Variants in HELZ2 observed in about 807,000 individuals in gnomAD.
HELZ2 encodes 3'-5' exoribonuclease HELZ2.
In HELZ2, 143 loss-of-function variants were observed where a neutral mutation model predicts 208.8. The observed-to-expected ratio is 0.68, with a 90% CI of 0.60 to 0.79. HELZ2 has a LOEUF of 0.79. Among genes scored for constraint, HELZ2 ranks in the 30% least tolerant of loss-of-function variants. The probability of loss-of-function intolerance (pLI) is 0.00; values close to 1 mark genes in which losing one functional copy is unlikely to be tolerated. For missense variants in HELZ2, 3,690 were observed against 3,794.5 expected (o/e 0.97, Z 0.72); for synonymous variants, 1,705 against 1,693.7 (o/e 1.01, Z -0.16).
chr20:63,567,011 AGAACAT>A (rs762390609), exon 6 of HELZ2: 10 of 1,611,184 alleles, frequency 6.2e-6, no homozygotes, highest in Non-Finnish European at 7.6e-6. Context: ...GCCACGTGGC[AGAACAT>A]GAGCGGGTAG....
At position 63,567,538 on chromosome 20, in the gene HELZ2, T is replaced by C. The variant is rs1039389312; in HGVS notation, c.1820A>G (p.Asp607Gly). 2 of 1,570,494 alleles carry C rather than the reference T, an allele frequency of 1.3e-6. No homozygotes were observed. Among genetic ancestry groups the C allele is most frequent in the Non-Finnish European group, 8.6e-7 (1 of 1,158,874 alleles). ...TGGGTCCGTCTGGCTCAGCGGCCGG[T>C]CCGTGTACATCACACGGAGAGGAGT... The change falls in exon 6 of 19, where the codon GAC becomes GGC. Residue 607 changes from aspartate (D) to glycine (G), a missense_variant. By Grantham distance (94) the Asp-to-Gly change is moderately conservative (BLOSUM62 -1). This residue lies in a region of HELZ2 where 1,119 missense variants were observed against 1,193.4 expected (regional missense o/e 0.94). Transcript: ENST00000467148.
At chr20:63,572,435 G>T (rs375406867) in exon 1 of HELZ2, 1 of 1,446,130 alleles carries the variant, frequency 6.9e-7, no homozygotes. Flanking sequence ...ACGCCAGCAC[G>T]GCTGCCCACG....
chr20:63,562,215 C>A lies in HELZ2; in HGVS notation c.6398-12G>T. On this transcript the variant is annotated splice_polypyrimidine_tract_variant and intron_variant, in intron 9 of 18. Coordinates refer to ENST00000467148, the Ensembl canonical transcript of HELZ2. ...CCTGCTGGGGATCACTGAGAGGGGGCAGCCTCCCTGAGCACTCATGCAGGG... is the reference window on the plus strand; with the variant it reads ...CCTGCTGGGGATCACTGAGAGGGGGAAGCCTCCCTGAGCACTCATGCAGGG... 1 of 1,611,124 alleles carries A rather than the reference C, an allele frequency of 6.2e-7. No individual in the cohort carries two copies. The highest frequency in any genetic ancestry group is 8.5e-7 in the Non-Finnish European group (1 of 1,179,334).
At chr20:63,572,618 C>A, upstream of HELZ2, 1 of 516,696 alleles carries the variant, frequency 1.9e-6, no homozygotes, top group Non-Finnish European at 3.4e-6. Flanking sequence ...TGGGGGACAG[C>A]GCCTGAAGCA....
chr20:63,562,470 G>T, intron 8 of HELZ2, 50 bp downstream of exon 9: 2 of 1,524,166 alleles, frequency 1.3e-6, no homozygotes, highest in South Asian at 1.2e-5. Flanking sequence ...TGCAAGTGAG[G>T]GGCCCGGGGC....
exon 8 of HELZ2, chr20:63,564,436 C>G: frequency 1.3e-6 from 2 of 1,555,748 alleles, no homozygotes; most frequent in East Asian, 2.4e-5. Context: ...TGATCACCTC[C>G]TCCGCCTCCT....
exon 10 of HELZ2, chr20:63,562,126 C>T (rs1317585812): frequency 7.4e-6 from 12 of 1,612,508 alleles, no homozygotes; most frequent in Non-Finnish European, 8.5e-6. Flanking sequence ...CTGACCGCCA[C>T]GTTCTGGCTG....
At chr20:63,561,223 C>T (rs1439988245) in exon 14 of HELZ2, 3 of 1,612,900 alleles carry the variant, frequency 1.9e-6, no homozygotes, top group Non-Finnish European at 2.5e-6. Flanking sequence ...AGAGGATGAC[C>T]TCATGCCGGT....
chr20:63,562,166 G>A, exon 10 of HELZ2: 2 of 1,611,996 alleles, frequency 1.2e-6, no homozygotes, highest in Non-Finnish European at 1.7e-6. Context: ...CTCCGGGGAT[G>A]TTGTAGGTCT....
exon 6 of HELZ2, chr20:63,567,565 G>A: frequency 1.3e-6 from 2 of 1,583,916 alleles, no homozygotes; most frequent in Non-Finnish European, 1.7e-6. Flanking sequence ...GAGAGGAGTG[G>A]CCTCGGGGTG....
chr20:63,565,757 G>A (rs749815162), exon 8 of HELZ2: 19 of 1,601,720 alleles, frequency 1.2e-5, no homozygotes, highest in East Asian at 2.2e-5. Context: ...TGGTGCTGCC[G>A]CAGCCTCCGT....
At chr20:63,568,304 G>T in intron 5 of HELZ2, 54 bp downstream of exon 6, 1 of 1,359,838 alleles carries the variant, frequency 7.4e-7, no homozygotes, top group Non-Finnish European at 1.0e-6. Flanking sequence ...CCTGCCCGGT[G>T]TAGACTTGGG....
In HELZ2 at chr20:63,570,390, G is replaced by A. The variant is rs373581749; in HGVS notation, c.570+114C>T. ...ACCTGCTGCAGGTCACGCAGGTGCT[G>A]AGCGGCAGTGCCTCGGTATTAGCTC... On this transcript the variant is annotated intron_variant, in intron 3 of 18. Coordinates refer to ENST00000467148, the Ensembl canonical transcript of HELZ2. 18 of 835,574 alleles carry A rather than the reference G, an allele frequency of 2.2e-5. 1 individual carries two copies. In the South Asian group the frequency reaches 2.6e-4, roughly 12 times the overall value. The allele number at this position is 835,574 out of a possible 1,614,324, so 51.8% of individuals were successfully genotyped here. A position where few individuals can be genotyped will look rare whatever the true frequency, so the allele number is the denominator to read the frequency against.
upstream of HELZ2, among the ~76,000 whole-genome samples, chr20:63,573,889 T>G (rs1266893091): frequency 6.6e-6 from 1 of 152,046 alleles, no homozygotes; most frequent in Non-Finnish European, 1.5e-5. This position sits in a 1 kb window ranked among gnomAD's most constrained non-coding sequence, Gnocchi z 4.9. Flanking sequence ...TGAGAAAACA[T>G]CCGAGTCTGC....
At chr20:63,569,602 G>A (rs1265124384) in exon 4 of HELZ2, 3 of 1,561,850 alleles carry the variant, frequency 1.9e-6, no homozygotes, top group Non-Finnish European at 2.6e-6. Flanking sequence ...GGGAGGCCGG[G>A]AGCCACCAGA....
chr20:63,560,579 A>G, exon 16 of HELZ2: 1 of 1,612,638 alleles, frequency 6.2e-7, no homozygotes, highest in Non-Finnish European at 8.5e-7. Context: ...GCCAAAGATG[A>G]CAGGGCAGCT....
intron 1 of HELZ2, 94 bp downstream of exon 2, chr20:63,572,014 G>A: frequency 7.2e-7 from 1 of 1,395,160 alleles, no homozygotes; most frequent in Non-Finnish European, 9.6e-7. Context: ...TGCCTGTGGT[G>A]GGCTCCTGCC....
Position 63,560,792 on chromosome 20 carries a change from C to T in HELZ2, c.7281+3G>A. 3 of 1,609,814 alleles carry T rather than the reference C, an allele frequency of 1.9e-6. No individual in the cohort carries two copies. The highest frequency in any genetic ancestry group is 2.5e-6 in the Non-Finnish European group (3 of 1,178,402). Reference sequence around the variant, plus strand: ...GGCTGGGGGCTGAGTGGGGCGGGCTCACCATGCGGTACTGAGTGTCCAGCA... The same window carrying T: ...GGCTGGGGGCTGAGTGGGGCGGGCTTACCATGCGGTACTGAGTGTCCAGCA... On this transcript the variant is annotated splice_donor_region_variant and intron_variant, in intron 15 of 18. Coordinates refer to ENST00000467148, the Ensembl canonical transcript of HELZ2.
chr20:63,562,623 G>A (rs1281213252), exon 8 of HELZ2: 1 of 1,591,472 alleles, frequency 6.3e-7, no homozygotes, highest in South Asian at 1.1e-5. Flanking sequence ...ACGAAGAGGT[G>A]CACCCGTCTG....
Sources: gnomAD v4.1 joint callset for allele counts (sites outside exome capture counted in the v4.1 genomes callset) on GRCh38, gnomAD v4.1.1 for gene constraint, gnomAD v4.1.1 regional missense constraint, Gnocchi (gnomAD v3.1) non-coding constraint, MANE v1.5 for transcripts, NCBI Gene and HGNC (gene_info 2026-07-23, HGNC 2026-07-21) for gene names.